C12orf42: variants seen among roughly 807,000 people sequenced by gnomAD.
C12orf42 encodes uncharacterized protein C12orf42.
Under a neutral mutation model 21.6 loss-of-function variants are expected in C12orf42, and 25 were observed. That is an observed-to-expected ratio of 1.16 (90% CI 0.84 to 1.62). C12orf42 has a LOEUF of 1.62. Among genes scored for constraint, C12orf42 ranks in the 40% most tolerant of loss-of-function variants. The probability of loss-of-function intolerance (pLI) is 0.00; values close to 1 mark genes in which losing one functional copy is unlikely to be tolerated. For synonymous variants in C12orf42, 174 were observed against 175.0 expected, an observed-to-expected ratio of 0.99 and a Z score of 0.05; for missense variants, 483 against 459.3, an observed-to-expected ratio of 1.05 and a Z score of -0.47.
the C12orf42 span, chr12:103,559,611 C>T: frequency 2.0e-5 from 3 of 152,200 alleles, no homozygotes; most frequent in South Asian, 4.1e-4. Flanking sequence ...CCCTGAGCAT[C>T]TCGACATGAG....
chr12:103,343,158 C>A (rs1158823883), intron 4 of C12orf42, among the ~76,000 whole-genome samples: 2 of 152,192 alleles, frequency 1.3e-5, no homozygotes, highest in Non-Finnish European at 2.9e-5. Context: ...AAGAAACCCA[C>A]AAAATTATTC....
intron 4 of C12orf42, among the ~76,000 whole-genome samples, chr12:103,339,365 A>G (rs2041980308): frequency 1.3e-5 from 2 of 151,738 alleles, no homozygotes; most frequent in African/African-American, 4.8e-5. Context: ...TCTACCCTCC[A>G]CCCTCTGAAA....
intron 2 of C12orf42, among the ~76,000 whole-genome samples, chr12:103,404,291 G>C (rs1267786002): frequency 6.6e-6 from 1 of 152,138 alleles, no homozygotes; most frequent in Non-Finnish European, 1.5e-5. Flanking sequence ...AAACAGACTA[G>C]GAGTACAGGT....
chr12:103,356,709 T>C (rs992598254), intron 4 of C12orf42, among the ~76,000 whole-genome samples: 1 of 151,956 alleles, frequency 6.6e-6, no homozygotes, highest in Non-Finnish European at 1.5e-5. Flanking sequence ...TTTTTAATGA[T>C]TGCCATTCTA....
At chr12:103,278,333 C>G (rs749509117) in intron 4 of C12orf42, among the ~76,000 whole-genome samples, 5 of 152,110 alleles carry the variant, frequency 3.3e-5, no homozygotes, top group Admixed American at 6.5e-5. Flanking sequence ...AACCAAAATA[C>G]ACTTTAAAAA....
At chr12:103,356,861 T>G (rs926033518) in intron 4 of C12orf42, among the ~76,000 whole-genome samples, 19 of 152,122 alleles carry the variant, frequency 1.2e-4, no homozygotes, top group East Asian at 3.9e-4. Flanking sequence ...CGCCCACTTT[T>G]TGATGGGGTT....
chr12:103,201,017 T>C, the C12orf42 span, among the ~76,000 whole-genome samples: 2 of 152,218 alleles, frequency 1.3e-5, no homozygotes, highest in Non-Finnish European at 2.9e-5. Flanking sequence ...CAAAAAGTTG[T>C]CAAGGTGCTT....
At chr12:103,290,467 G>A (rs2036729247) in intron 4 of C12orf42, among the ~76,000 whole-genome samples, 3 of 152,160 alleles carry the variant, frequency 2.0e-5, no homozygotes, top group Admixed American at 1.3e-4. Flanking sequence ...CAATTGTTGG[G>A]CCTATGCAAG....
intron 2 of C12orf42, among the ~76,000 whole-genome samples, chr12:103,450,726 C>T (rs1376073990): frequency 6.6e-6 from 1 of 152,114 alleles, no homozygotes; most frequent in Admixed American, 6.6e-5. Flanking sequence ...CCCACTGGTT[C>T]TACCATGAAT....
intron 4 of C12orf42, chr12:103,349,455 T>C (rs563472987): frequency 1.3e-5 from 2 of 152,278 alleles, no homozygotes; most frequent in South Asian, 2.1e-4. Flanking sequence ...TAAGCAAAGA[T>C]ATAATTTAAG....
chr12:103,099,221 G>T, the C12orf42 span, among the ~76,000 whole-genome samples: 3 of 152,146 alleles, frequency 2.0e-5, no homozygotes, highest in Admixed American at 2.0e-4. Context: ...ATCATATTTT[G>T]TTGGACTCCT....
chr12:103,508,696 T>G, the C12orf42 span, among the ~76,000 whole-genome samples: 1 of 152,324 alleles, frequency 6.6e-6, no homozygotes, highest in East Asian at 1.9e-4. Flanking sequence ...AATATGTGTG[T>G]CCTACTCTAC....
chr12:103,178,838 A>G, the C12orf42 span, among the ~76,000 whole-genome samples: 7 of 152,216 alleles, frequency 4.6e-5, no homozygotes, highest in African/African-American at 1.7e-4. Flanking sequence ...AAGTAGAAAT[A>G]AACAAAGAGT....
chr12:103,098,342 A>G, the C12orf42 span, among the ~76,000 whole-genome samples: 1 of 152,160 alleles, frequency 6.6e-6, no homozygotes, highest in African/African-American at 2.4e-5. Flanking sequence ...ATTAAGACTT[A>G]CCTCATAAAA....
intron 10 of C12orf42, chr12:103,262,474 G>A (rs2034943594): frequency 6.6e-6 from 1 of 152,138 alleles, no homozygotes; most frequent in Non-Finnish European, 1.5e-5. Context: ...TCCAACCTGA[G>A]GAAAGCAAAC....
chr12:103,072,888 T>A, the C12orf42 span, among the ~76,000 whole-genome samples: 1 of 152,192 alleles, frequency 6.6e-6, no homozygotes, highest in Non-Finnish European at 1.5e-5. Context: ...TTATGTTCAT[T>A]GTAGCAGTAT....
intron 5 of C12orf42, among the ~76,000 whole-genome samples, chr12:103,273,445 A>C (rs939706710): frequency 6.6e-6 from 1 of 152,176 alleles, no homozygotes; most frequent in Non-Finnish European, 1.5e-5. Context: ...TATATTGGCC[A>C]TTTTAGACTG....
downstream of C12orf42, among the ~76,000 whole-genome samples, chr12:103,265,025 C>A (rs1272079897): frequency 6.6e-6 from 1 of 152,058 alleles, no homozygotes; most frequent in Non-Finnish European, 1.5e-5. Context: ...TGTCTGATAT[C>A]AAAATGCCAG....
At chr12:103,210,646 T>TTTTTTTTTTTTTTTTTTTG in the C12orf42 span, among the ~76,000 whole-genome samples, 1 of 149,422 alleles carries the variant, frequency 6.7e-6, no homozygotes, top group Non-Finnish European at 1.5e-5. Context: ...TTTCTTTTTT[T>TTTTTTTTTTTTTTTTTTTG]TTTTTTTTTT....
Sources: allele counts gnomAD v4.1 joint callset (sites outside exome capture counted in the v4.1 genomes callset), GRCh38; gene constraint gnomAD v4.1.1; transcripts MANE v1.5; gene names NCBI Gene and HGNC (gene_info 2026-07-23, HGNC 2026-07-21).